The following OR7E24 variants were observed in gnomAD, a reference collection of about 807,000 sequenced individuals.
OR7E24 encodes the protein olfactory receptor family 7 subfamily E member 24, also known as olfactory receptor 7E24.
For synonymous variants in OR7E24, 130 were observed against 157.5 expected, an observed-to-expected ratio of 0.83 and a Z score of 1.31; for missense variants, 385 against 410.3, an observed-to-expected ratio of 0.94 and a Z score of 0.53.
upstream of OR7E24, among the ~76,000 whole-genome samples, chr19:9,246,904 A>T (rs963539726): frequency 1.3e-5 from 2 of 152,176 alleles, no homozygotes; most frequent in African/African-American, 4.8e-5. Context: ...TTTGTAGGAT[A>T]GAAAAGTTCT....
upstream of OR7E24, among the ~76,000 whole-genome samples, chr19:9,243,593 A>G (rs1171895674): frequency 6.6e-6 from 1 of 152,082 alleles, no homozygotes; most frequent in Admixed American, 6.5e-5. Flanking sequence ...GTAGGTGTGA[A>G]CCACTGCACC....
the OR7E24 span, among the ~76,000 whole-genome samples, chr19:9,228,009 T>C: frequency 6.6e-6 from 1 of 152,232 alleles, no homozygotes; most frequent in East Asian, 1.9e-4. Context: ...CGCCTCGGCC[T>C]CCCAAAGTGC....
At position 9,251,202 on chromosome 19, in the gene OR7E24, C is replaced by G. The variant is rs1430803349; in HGVS notation, c.147C>G (p.Tyr49Ter). Reference sequence around the variant, plus strand: ...TCGCTGGGCTGTTCCTGTCCATGTACCTGGTCACGGTGCTGGGGAACCTGC... The same window carrying G: ...TCGCTGGGCTGTTCCTGTCCATGTAGCTGGTCACGGTGCTGGGGAACCTGC... The change falls in exon 2 of 2, where the codon TAC becomes TAG. Residue 49 changes from tyrosine to a stop codon, truncating the protein, a stop_gained. Transcript: ENST00000641946. LOFTEE classifies it low-confidence loss of function (END_TRUNC). 15 of 1,613,930 alleles carry G rather than the reference C, an allele frequency of 9.3e-6. No individual in the cohort carries two copies. The highest frequency in any genetic ancestry group is 1.2e-5 in the Non-Finnish European group (14 of 1,180,016).
At chr19:9,233,212 T>C in the OR7E24 span, among the ~76,000 whole-genome samples, 1 of 152,240 alleles carries the variant, frequency 6.6e-6, no homozygotes, top group South Asian at 2.1e-4. Context: ...TTCTATGATG[T>C]TTTTCTGGTC....
At chr19:9,238,249 TG>T in the OR7E24 span, among the ~76,000 whole-genome samples, 2,973 of 152,180 alleles carry the variant, frequency 0.02, 84 homozygotes, top group African/African-American at 0.068. Flanking sequence ...ACAGAGCAAG[TG>T]ACAGCCTGGG....
upstream of OR7E24, among the ~76,000 whole-genome samples, chr19:9,242,572 T>C (rs1411148692): frequency 2.0e-5 from 3 of 152,166 alleles, no homozygotes; most frequent in East Asian, 5.8e-4. Flanking sequence ...CTTTGACATG[T>C]CTTTTCTCAT....
upstream of OR7E24, among the ~76,000 whole-genome samples, chr19:9,250,530 T>C (rs922612303): frequency 1.1e-4 from 16 of 152,234 alleles, no homozygotes; most frequent in Admixed American, 3.3e-4. Flanking sequence ...GTAAGAATGA[T>C]GGAAACCGTA....
chr19:9,224,527 C>A, the OR7E24 span, among the ~76,000 whole-genome samples: 1 of 151,624 alleles, frequency 6.6e-6, no homozygotes, highest in African/African-American at 2.4e-5. Flanking sequence ...AGGCTGAGGC[C>A]AGTGGATCAC....
chr19:9,231,830 T>C, the OR7E24 span, among the ~76,000 whole-genome samples: 1 of 152,202 alleles, frequency 6.6e-6, no homozygotes, highest in African/African-American at 2.4e-5. Context: ...AGAAACGTAT[T>C]TTATTTAACT....
At chr19:9,215,029 A>G in the OR7E24 span, among the ~76,000 whole-genome samples, 4 of 152,142 alleles carry the variant, frequency 2.6e-5, no homozygotes, top group Non-Finnish European at 5.9e-5. Flanking sequence ...AGAGTTATCC[A>G]GCCATTCTTT....
chr19:9,218,740 C>T, the OR7E24 span, among the ~76,000 whole-genome samples: 1 of 152,048 alleles, frequency 6.6e-6, no homozygotes, highest in African/African-American at 2.4e-5. Flanking sequence ...GCAATTATCC[C>T]ATCTCAGTCT....
the OR7E24 span, among the ~76,000 whole-genome samples, chr19:9,240,719 C>A: frequency 6.6e-6 from 1 of 152,110 alleles, no homozygotes; most frequent in Non-Finnish European, 1.5e-5. Flanking sequence ...TTGTATCTAA[C>A]AATCTGCTTC....
chr19:9,251,628 C>T lies in OR7E24; in HGVS notation c.585C>T (p.Phe195=), dbSNP rs752023143. Residue 195 remains phenylalanine (F), a synonymous_variant, in exon 1 of 1, where the codon TTC becomes TTT. Transcript: ENST00000456448. ...TCFKDVDISN[F]FCDPSQLLHL... The stretch of plus-strand genomic sequence containing the variant: ...TCAAGGATGTGGACATTTCTAATTT[C>T]TTCTGTGACCCTTCTCAACTCCTCC... 7 of 1,613,222 alleles carry T rather than the reference C, an allele frequency of 4.3e-6. No homozygotes were observed. The highest frequency in any genetic ancestry group is 5.1e-6 in the Non-Finnish European group (6 of 1,179,684).
chr19:9,213,089 A>G, the OR7E24 span: 3 of 152,260 alleles, frequency 2.0e-5, no homozygotes, highest in Non-Finnish European at 4.4e-5. Context: ...AACATCAGAC[A>G]TGTAAAGCAA....
chr19:9,231,320 G>T, the OR7E24 span, among the ~76,000 whole-genome samples: 1 of 152,100 alleles, frequency 6.6e-6, no homozygotes, highest in Non-Finnish European at 1.5e-5. Flanking sequence ...GGTGGCTCAT[G>T]CCTGTAATCC....
chr19:9,222,248 G>A, the OR7E24 span, among the ~76,000 whole-genome samples: 1 of 152,298 alleles, frequency 6.6e-6, no homozygotes, highest in East Asian at 1.9e-4. Flanking sequence ...AAATCAGGTA[G>A]TGTGATGCCT....
the OR7E24 span, chr19:9,212,933 T>C: frequency 2.6e-5 from 4 of 152,128 alleles, no homozygotes; most frequent in African/African-American, 9.7e-5. Flanking sequence ...TATATCACTG[T>C]TTTTATGGAA....
upstream of OR7E24, among the ~76,000 whole-genome samples, chr19:9,243,666 C>G (rs2066121999): frequency 6.6e-6 from 1 of 152,130 alleles, no homozygotes; most frequent in African/African-American, 2.4e-5. Context: ...GTTCCATTGC[C>G]TTTGACACAG....
the OR7E24 span, among the ~76,000 whole-genome samples, chr19:9,220,827 A>G: frequency 6.6e-6 from 1 of 152,196 alleles, no homozygotes; most frequent in African/African-American, 2.4e-5. Flanking sequence ...CATTCCTACC[A>G]ACAGTGTAGA....
Sources: gnomAD v4.1 joint callset for allele counts (sites outside exome capture counted in the v4.1 genomes callset) on GRCh38, gnomAD v4.1.1 for gene constraint, MANE v1.5 for transcripts, NCBI Gene and HGNC (gene_info 2026-07-23, HGNC 2026-07-21) for gene names.